Variants in DOK6 observed in about 807,000 individuals in gnomAD.
DOK6 encodes docking protein 6.
Under a neutral mutation model 44.0 loss-of-function variants are expected in DOK6, and 22 were observed. The observed-to-expected ratio is 0.50, with a 90% CI of 0.36 to 0.71. The LOEUF (loss-of-function observed/expected upper bound fraction) is 0.71. Among genes scored for constraint, DOK6 ranks in the 30% least tolerant of loss-of-function variants. DOK6 has a pLI of 0.00. For missense variants in DOK6, 340 were observed against 416.4 expected (o/e 0.82, Z 1.60); for synonymous variants, 166 against 145.5 (o/e 1.14, Z -1.01).
At chr18:69,746,724 T>C (rs755318407) in intron 6 of DOK6, among the ~76,000 whole-genome samples, 11 of 152,244 alleles carry the variant, frequency 7.2e-5, no homozygotes, top group Admixed American at 2.0e-4. Flanking sequence ...CTAATTCCTT[T>C]CCATTTATCT....
At chr18:69,540,391 G>A (rs947422881) in intron 1 of DOK6, among the ~76,000 whole-genome samples, 1 of 151,984 alleles carries the variant, frequency 6.6e-6, no homozygotes, top group Non-Finnish European at 1.5e-5. Flanking sequence ...ATTTTTCTGA[G>A]TTTTACTGGC....
rs866625349 is a variant in DOK6 at position 69,703,116 on chromosome 18, G to A, written c.599+4523G>A. Reference sequence around the variant, plus strand: ...ATTTACCAGATTAGATACACAGAAGGAAAAGGCACTAGGTTCCTAAACACT... The same window carrying A: ...ATTTACCAGATTAGATACACAGAAGAAAAAGGCACTAGGTTCCTAAACACT... On this transcript the variant is annotated intron_variant, in intron 5 of 7. Transcript: ENST00000382713. Among the ~76,000 whole-genome samples the A allele has an allele frequency of 2.2e-3, 336 of 152,004 alleles. 2 individuals carry two copies. The highest frequency in any genetic ancestry group is 7.7e-3 in the African/African-American group (321 of 41,482).
chr18:69,463,288 A>G (rs972424214), intron 1 of DOK6, among the ~76,000 whole-genome samples: 5 of 151,678 alleles, frequency 3.3e-5, no homozygotes, highest in African/African-American at 1.2e-4. Flanking sequence ...TCTCCCCAGC[A>G]TCACCGTGGC....
intron 7 of DOK6, among the ~76,000 whole-genome samples, chr18:69,782,102 AGAGACTACAGAAAGAG>A (rs1980286817): frequency 3.5e-5 from 2 of 56,786 alleles, no homozygotes; most frequent in South Asian, 1.0e-3. Flanking sequence ...GATTAGCTAT[AGAGACTACAGAAAGAG>A]TGGATGTTTT....
chr18:69,797,642 A>C (rs1255461060), intron 7 of DOK6, among the ~76,000 whole-genome samples: 1 of 152,052 alleles, frequency 6.6e-6, no homozygotes, highest in Non-Finnish European at 1.5e-5. Flanking sequence ...TCCTCTTTTG[A>C]ATTGCCATAA....
chr18:69,735,114 T>A (rs1404105630), intron 5 of DOK6, among the ~76,000 whole-genome samples: 1 of 152,218 alleles, frequency 6.6e-6, no homozygotes, highest in Non-Finnish European at 1.5e-5. Flanking sequence ...TCCCTGGTTA[T>A]TTTTTATTTG....
chr18:69,689,924 T>C (rs1227733594), intron 4 of DOK6, among the ~76,000 whole-genome samples: 3 of 152,120 alleles, frequency 2.0e-5, no homozygotes, highest in Admixed American at 2.0e-4. Flanking sequence ...AAATATTTAA[T>C]AGTGTCTGAA....
chr18:69,532,532 T>C (rs1329732875), intron 1 of DOK6, among the ~76,000 whole-genome samples: 1 of 152,226 alleles, frequency 6.6e-6, no homozygotes, highest in African/African-American at 2.4e-5. Flanking sequence ...GGTAATATTT[T>C]TCTTTCAGTT....
intron 1 of DOK6, among the ~76,000 whole-genome samples, chr18:69,534,342 T>C (rs1982063260): frequency 6.6e-6 from 1 of 152,162 alleles, no homozygotes; most frequent in African/African-American, 2.4e-5. Context: ...AATTGAATAT[T>C]TTAGAAGCTG....
At chr18:69,729,110 T>C (rs916699392) in intron 5 of DOK6, among the ~76,000 whole-genome samples, 3 of 152,182 alleles carry the variant, frequency 2.0e-5, no homozygotes, top group African/African-American at 7.2e-5. Flanking sequence ...GCATATCATA[T>C]GTTATACATA....
chr18:69,799,178 C>G (rs1374939269), intron 7 of DOK6, among the ~76,000 whole-genome samples: 1 of 151,888 alleles, frequency 6.6e-6, no homozygotes, highest in Non-Finnish European at 1.5e-5. Context: ...AAAATGGAGT[C>G]GTGAGCTAAA....
At chr18:69,600,616 C>G (rs753952702) in intron 3 of DOK6, among the ~76,000 whole-genome samples, 18 of 152,072 alleles carry the variant, frequency 1.2e-4, no homozygotes, top group Non-Finnish European at 2.1e-4. Flanking sequence ...TGTCTTAAAA[C>G]TGGTAAACCA....
intron 1 of DOK6, among the ~76,000 whole-genome samples, chr18:69,532,461 T>A (rs1360145950): frequency 1.3e-5 from 2 of 152,170 alleles, no homozygotes; most frequent in Non-Finnish European, 2.9e-5. Context: ...CAGGTCAGAG[T>A]GTACTTACCC....
chr18:69,673,774 A>G (rs1985861006), intron 3 of DOK6, among the ~76,000 whole-genome samples: 1 of 152,244 alleles, frequency 6.6e-6, no homozygotes, highest in Non-Finnish European at 1.5e-5. Flanking sequence ...TTACTCAATT[A>G]AAAATTTGAA....
chr18:69,592,581 T>C (rs1278804765), intron 2 of DOK6, among the ~76,000 whole-genome samples: 1 of 152,182 alleles, frequency 6.6e-6, no homozygotes, highest in Non-Finnish European at 1.5e-5. Context: ...CAGACCTTAA[T>C]ATTTTAAATT....
intron 7 of DOK6, among the ~76,000 whole-genome samples, chr18:69,783,993 G>A (rs534432025): frequency 1.3e-5 from 2 of 152,014 alleles, no homozygotes; most frequent in East Asian, 1.9e-4. Flanking sequence ...CATGAGTTTC[G>A]AACCAACCTG....
At chr18:69,789,571 C>A (rs1245637888) in intron 7 of DOK6, among the ~76,000 whole-genome samples, 1 of 152,014 alleles carries the variant, frequency 6.6e-6, no homozygotes, top group African/African-American at 2.4e-5. Context: ...CACTGTACTC[C>A]TTTTTATAGT....
intron 1 of DOK6, among the ~76,000 whole-genome samples, chr18:69,500,534 C>G (rs867981346): frequency 6.6e-6 from 1 of 152,128 alleles, no homozygotes; most frequent in Non-Finnish European, 1.5e-5. Context: ...AACAATAACT[C>G]TGCCTCCTGG....
At chr18:69,645,956 GA>G (rs1985062397) in intron 3 of DOK6, among the ~76,000 whole-genome samples, 1 of 152,120 alleles carries the variant, frequency 6.6e-6, no homozygotes, top group Non-Finnish European at 1.5e-5. Flanking sequence ...TGTGATCGAG[GA>G]GTCTGATTTC....
Sources: allele counts gnomAD v4.1 joint callset (sites outside exome capture counted in the v4.1 genomes callset), GRCh38; gene constraint gnomAD v4.1.1; transcripts MANE v1.5; gene names NCBI Gene and HGNC (gene_info 2026-07-23, HGNC 2026-07-21).